CRTAC1: variants seen among roughly 807,000 people sequenced by gnomAD.
CRTAC1 encodes acidic secreted protein in cartilage.
A neutral mutation model predicts 67.8 loss-of-function variants in CRTAC1; 37 were observed. The observed-to-expected ratio is 0.55, with a 90% CI of 0.42 to 0.72. The LOEUF (loss-of-function observed/expected upper bound fraction) is 0.72. CRTAC1 is among the 30% of genes least tolerant of loss of function. The probability of loss-of-function intolerance (pLI) is 0.00; values close to 1 mark genes in which losing one functional copy is unlikely to be tolerated. For synonymous variants in CRTAC1, 348 were observed against 371.0 expected (o/e 0.94, Z 0.71); for missense variants, 780 against 931.6 (o/e 0.84, Z 2.12).
chr10:97,997,268 T>TAAA (rs1399765183), intron 2 of CRTAC1, among the ~76,000 whole-genome samples: 2 of 128,600 alleles, frequency 1.6e-5, no homozygotes, highest in African/African-American at 2.9e-5. Flanking sequence ...ATAATAATAA[T>TAAA]AAATAAAATA....
intron 2 of CRTAC1, among the ~76,000 whole-genome samples, chr10:97,986,450 G>A (rs1341092863): frequency 6.6e-6 from 1 of 152,170 alleles, no homozygotes; most frequent in African/African-American, 2.4e-5. Context: ...CCAACGTTAA[G>A]ATGTCATGGC....
intron 2 of CRTAC1, among the ~76,000 whole-genome samples, chr10:97,997,419 C>T (rs1322122490): frequency 7.1e-6 from 1 of 140,762 alleles, no homozygotes; most frequent in Non-Finnish European, 1.5e-5. Flanking sequence ...TGCCACTGCA[C>T]TCCAGCCTGG....
At chr10:97,962,692 C>T (rs899972157) in intron 2 of CRTAC1, among the ~76,000 whole-genome samples, 8 of 152,080 alleles carry the variant, frequency 5.3e-5, no homozygotes, top group Admixed American at 6.6e-5. Flanking sequence ...CAAGGCTCTG[C>T]GGTCTTTCGG....
In CRTAC1 at chr10:98,030,522, C is replaced by T; in HGVS notation, c.-50G>A. ...TAGGGGCGTGGGAAGCGGGCGCTCGCTGCCGCCTCTGCCGCCGGCGCCGCC... is the reference window on the plus strand; with the variant it reads ...TAGGGGCGTGGGAAGCGGGCGCTCGTTGCCGCCTCTGCCGCCGGCGCCGCC... On this transcript the variant is annotated 5_prime_UTR_variant, in exon 1 of 15. Transcript: ENST00000370597. The surrounding 1 kb of genome is among the most constrained non-coding windows in gnomAD (Gnocchi z 4.2). 2 of 1,198,366 alleles carry T rather than the reference C, an allele frequency of 1.7e-6. No homozygotes were observed. The highest frequency in any genetic ancestry group is 2.1e-6 in the Non-Finnish European group (2 of 948,632). 74.2% of individuals were successfully genotyped at this position (1,198,366 alleles called of 1,614,324 possible). A position where few individuals can be genotyped will look rare whatever the true frequency, so the allele number is the denominator to read the frequency against.
chr10:98,029,801 C>T lies in CRTAC1; in HGVS notation c.24+648G>A, dbSNP rs985063878. Among the ~76,000 whole-genome samples, 16 of 152,188 alleles carry T rather than the reference C, an allele frequency of 1.1e-4. No individual in the cohort carries two copies. The highest frequency in any genetic ancestry group is 3.6e-4 in the African/African-American group (15 of 41,462). On this transcript the variant is annotated intron_variant, in intron 1 of 14. Transcript: ENST00000370597. The surrounding 1 kb of genome is among the most constrained non-coding windows in gnomAD (Gnocchi z 4.7). ...ACGGGGTCGAGGAGGACTCAGGGTT[C>T]CCCTGGAATGCCTGAAGCCGGCTTG...
At chr10:97,960,229 CT>C (rs764054819) in intron 2 of CRTAC1, among the ~76,000 whole-genome samples, 2 of 152,256 alleles carry the variant, frequency 1.3e-5, no homozygotes, top group Non-Finnish European at 2.9e-5. Flanking sequence ...CCCGCTGTAA[CT>C]TTTCTGTACA....
At chr10:97,945,074 T>C (rs1265599819) in intron 2 of CRTAC1, among the ~76,000 whole-genome samples, 1 of 152,252 alleles carries the variant, frequency 6.6e-6, no homozygotes, top group Non-Finnish European at 1.5e-5. Context: ...AGAAAGTAGA[T>C]AATGATGACC....
intron 3 of CRTAC1, among the ~76,000 whole-genome samples, chr10:97,930,482 G>A: frequency 6.6e-6 from 1 of 152,208 alleles, no homozygotes; most frequent in East Asian, 1.9e-4. Context: ...GACTTTGCTG[G>A]GTTCAGGAAG....
chr10:97,878,544 T>C, intron 14 of CRTAC1: 1 of 1,205,100 alleles, frequency 8.3e-7, no homozygotes, highest in Non-Finnish European at 1.1e-6. Context: ...CCATGAAGAA[T>C]AGATCTATGT....
intron 2 of CRTAC1, among the ~76,000 whole-genome samples, chr10:98,004,008 G>C (rs1842739893): frequency 6.6e-6 from 1 of 152,178 alleles, no homozygotes; most frequent in Non-Finnish European, 1.5e-5. Context: ...TTTTAGAAAA[G>C]TTTTAAGAAT....
intron 13 of CRTAC1, among the ~76,000 whole-genome samples, chr10:97,880,741 A>G (rs2050202132): frequency 6.6e-6 from 1 of 152,130 alleles, no homozygotes; most frequent in African/African-American, 2.4e-5. Context: ...TGACAGCTCC[A>G]CTTGGATGTC....
chr10:97,911,179 G>A (rs2050683772), intron 5 of CRTAC1, among the ~76,000 whole-genome samples: 2 of 152,196 alleles, frequency 1.3e-5, no homozygotes, highest in African/African-American at 4.8e-5. Context: ...GGAAATTCCA[G>A]GTGGGACTCA....
Position 97,901,512 on chromosome 10 carries a change from C to A in CRTAC1, c.1124G>T (p.Arg375Leu), listed in dbSNP as rs770267639. ...NIAYRSSSAN[R>L]LFRVIRREHG... ...AGGATGGAGCATCTACCGGAAGAGG[C>A]GGTTGGCTGAGGAGCTGCGGTAGGC... The change falls in exon 8 of 15, where the codon CGC becomes CTC. Residue 375 changes from arginine to leucine, a missense_variant. Transcript: ENST00000370597. 6.8e-6 allele frequency: 11 copies of A among 1,614,116 alleles called. No individual in the cohort carries two copies. In the South Asian group the frequency reaches 1.1e-4, roughly 16 times the overall value.
At chr10:97,881,206 C>T (rs940678147) in intron 13 of CRTAC1, among the ~76,000 whole-genome samples, 1 of 152,230 alleles carries the variant, frequency 6.6e-6, no homozygotes, top group Non-Finnish European at 1.5e-5. Flanking sequence ...AATTCAGACT[C>T]CCTACAGGGG....
intron 2 of CRTAC1, among the ~76,000 whole-genome samples, chr10:97,981,391 C>A (rs1358606463): frequency 2.0e-5 from 3 of 152,154 alleles, no homozygotes; most frequent in Non-Finnish European, 4.4e-5. Context: ...TCTGCTGTAT[C>A]AAGTTTTATA....
intron 2 of CRTAC1, among the ~76,000 whole-genome samples, chr10:97,954,164 C>T (rs1289160958): frequency 3.3e-5 from 5 of 152,148 alleles, no homozygotes. Flanking sequence ...ACTAACTTGG[C>T]TCAGCTCCAC....
At chr10:97,901,448 T>C (rs1458890751) in intron 8 of CRTAC1, 55 bp downstream of exon 8, 1 of 1,610,964 alleles carries the variant, frequency 6.2e-7, no homozygotes, top group Non-Finnish European at 8.5e-7. Context: ...TCCCTGACCG[T>C]TCCTCCCACC....
At chr10:98,002,032 A>G (rs1842698095) in intron 2 of CRTAC1, among the ~76,000 whole-genome samples, 1 of 152,218 alleles carries the variant, frequency 6.6e-6, no homozygotes, top group Admixed American at 6.5e-5. Flanking sequence ...AAGGCCAGGG[A>G]GGGTCAGCCT....
intron 2 of CRTAC1, among the ~76,000 whole-genome samples, chr10:98,009,990 G>T (rs1243816717): frequency 6.6e-6 from 1 of 151,866 alleles, no homozygotes; most frequent in Non-Finnish European, 1.5e-5. Flanking sequence ...TGAGGGATGT[G>T]AAATAAGATG....
Sources: gnomAD v4.1 joint callset for allele counts (sites outside exome capture counted in the v4.1 genomes callset) on GRCh38, gnomAD v4.1.1 for gene constraint, Gnocchi (gnomAD v3.1) non-coding constraint, MANE v1.5 for transcripts, NCBI Gene and HGNC (gene_info 2026-07-23, HGNC 2026-07-21) for gene names.